The following PRR12 variants were observed in gnomAD, a reference collection of about 807,000 sequenced individuals.
PRR12 encodes the protein proline rich 12.
PRR12 carries 12 observed loss-of-function variants against 138.0 expected under a neutral mutation model. That is an observed-to-expected ratio of 0.09 (90% CI 0.06 to 0.14). The LOEUF is 0.14. PRR12 is among the 10% of genes least tolerant of loss of function. The pLI is 1.00. For synonymous variants in PRR12, 1,567 were observed against 1,291.7 expected (o/e 1.21, Z -4.57); for missense variants, 2,692 against 2,861.3 (o/e 0.94, Z 1.35).
chr19:49,609,462 A>G (rs913983161), intron 6 of PRR12, among the ~76,000 whole-genome samples: 6 of 151,986 alleles, frequency 3.9e-5, no homozygotes, highest in Non-Finnish European at 8.8e-5. Context: ...TTAGCCGGAC[A>G]TGGTGGCGGG....
chr19:49,596,583 G>A lies in PRR12; in HGVS notation c.2248G>A (p.Gly750Arg), dbSNP rs543523020. ...GCTGGCCACCTCTGTTGTCCACTAC[G>A]GGGCAGGCGCCAAGGAGCTGGGGGC... The part of the protein sequence containing the change: ...EGLATSVVHY[G>R]AGAKELGAFL... The change falls in exon 4 of 14, where the codon GGG becomes AGG. Residue 750 changes from glycine to arginine, a missense_variant. This residue lies in a region of PRR12 where 840 missense variants were observed against 689.8 expected (regional missense o/e 1.22). Transcript: ENST00000418929. This position sits in a 1 kb window ranked among gnomAD's most constrained non-coding sequence, Gnocchi z 5.6. 32 of 1,596,612 alleles carry A rather than the reference G, an allele frequency of 2.0e-5. No homozygotes were observed. Among genetic ancestry groups the A allele is most frequent in the South Asian group, 1.0e-4 (9 of 89,200 alleles).
At chr19:49,600,480 C>CAAA (rs34430567) in intron 5 of PRR12, among the ~76,000 whole-genome samples, 44 of 100,724 alleles carry the variant, frequency 4.4e-4, no homozygotes, top group South Asian at 2.8e-3. Context: ...GGGGAGTGTT[C>CAAA]AAAAAAAAAA....
rs764795751 is a variant in PRR12, at chr19:49,595,916, C to G, written c.1581C>G (p.Ala527=). ...CCCACTCCCAGGGGCTGCCCACAGC[C>G]AGCCCCTCGCTCAGCTACAGTACCG... is the stretch of plus-strand genomic sequence containing the variant. ...PAAHSQGLPT[A]SPSLSYSTGH... is the part of the protein sequence containing the mutation. Residue 527 remains alanine (A), a synonymous_variant, in exon 4 of 14, where the codon GCC becomes GCG. Coordinates refer to ENST00000418929, the MANE Select transcript of PRR12 (RefSeq NM_020719.3). 25 of 1,602,288 alleles carry G rather than the reference C, an allele frequency of 1.6e-5. No individual in the cohort carries two copies. The Admixed American group carries it at 4.0e-4, about 26-fold the overall frequency.
At chr19:49,609,633 A>G (rs527862546) in intron 6 of PRR12, among the ~76,000 whole-genome samples, 193 of 150,358 alleles carry the variant, frequency 1.3e-3, no homozygotes, top group African/African-American at 4.4e-3. Context: ...TTGGATGGAG[A>G]AGAGTATGGT....
In PRR12 at chr19:49,607,361, G is replaced by GCACA. The variant is rs72175242; in HGVS notation, c.4773+5460_4773+5463dup. On this transcript the variant is annotated intron_variant, in intron 6 of 13. Transcript: ENST00000418929. The stretch of plus-strand genomic sequence containing the variant: ...GAGTGAGCCTCTGTCATGTACGTGT[G>GCACA]CACACACACACACACACACAGAGTT... Among the ~76,000 whole-genome samples, 850 of 147,858 alleles carry GCACA rather than the reference G, an allele frequency of 5.7e-3. 8 individuals carry two copies. Among genetic ancestry groups the GCACA allele is most frequent in the African/African-American group, 0.019 (740 of 39,380 alleles).
chr19:49,606,379 T>C (rs1254193149), intron 6 of PRR12, among the ~76,000 whole-genome samples: 1 of 151,580 alleles, frequency 6.6e-6, no homozygotes, highest in Non-Finnish European at 1.5e-5. Context: ...TGGCGCAATC[T>C]TGGCTCACTG....
intron 11 of PRR12, among the ~76,000 whole-genome samples, chr19:49,622,977 A>G (rs2080933740): frequency 6.8e-6 from 1 of 147,946 alleles, no homozygotes; most frequent in Non-Finnish European, 1.5e-5. Context: ...AGAGAGAGAT[A>G]TTAATATGAC....
chr19:49,599,355 G>A lies in PRR12; in HGVS notation c.3762G>A (p.Leu1254=). The change falls in exon 5 of 14, where the codon CTG becomes CTA. Residue 1254 remains leucine (L), a synonymous_variant. Coordinates refer to ENST00000418929, the MANE Select transcript of PRR12 (RefSeq NM_020719.3). This position sits in a 1 kb window ranked among gnomAD's most constrained non-coding sequence, Gnocchi z 5.0. ...DAISGTDHNS[L]DSSLTREKIE... ...TATCAGGCACTGACCACAACAGCCTGGACTCGAGCCTGACTCGGGAGAAGA... is the reference window on the plus strand; with the variant it reads ...TATCAGGCACTGACCACAACAGCCTAGACTCGAGCCTGACTCGGGAGAAGA... 1 of 1,613,252 alleles carries A rather than the reference G, an allele frequency of 6.2e-7. No homozygotes were observed. Among genetic ancestry groups the A allele is most frequent in the Non-Finnish European group, 8.5e-7 (1 of 1,179,782 alleles).
Position 49,625,634 on chromosome 19 carries a change from C to T in PRR12, c.*27C>T, listed in dbSNP as rs376483714. On this transcript the variant is annotated 3_prime_UTR_variant, in exon 14 of 14. Coordinates refer to ENST00000418929, the MANE Select transcript of PRR12 (RefSeq NM_020719.3). The surrounding 1 kb of genome is among the most constrained non-coding windows in gnomAD (Gnocchi z 5.5). ...CCCGCCCCAGCTTGTGAGGGGGGCGCCTCCTCCATGAACCGAGAATTGGGA... is the reference window on the plus strand; with the variant it reads ...CCCGCCCCAGCTTGTGAGGGGGGCGTCTCCTCCATGAACCGAGAATTGGGA... The T allele has an allele frequency of 9.1e-5, 144 of 1,577,208 alleles. 1 individual carries two copies. The highest frequency in any genetic ancestry group is 1.2e-4 in the Non-Finnish European group (140 of 1,161,424).
chr19:49,600,765 G>T (rs773411620), intron 5 of PRR12, among the ~76,000 whole-genome samples: 3 of 151,792 alleles, frequency 2.0e-5, no homozygotes, highest in African/African-American at 7.3e-5. Context: ...GCAGTGGTGC[G>T]ATCTTGGCTC....
rs772078674 is a variant in PRR12, at chr19:49,616,032, T to C, written c.5310T>C (p.Ser1770=). Reference sequence around the variant, plus strand: ...GACGGCAGACACGGCCAGAGCGGAGTCTCGCCACGGGACAACCTGCCACAT... The same window carrying C: ...GACGGCAGACACGGCCAGAGCGGAGCCTCGCCACGGGACAACCTGCCACAT... ...TSGRQTRPER[S]LATGQPATSR... The change falls in exon 9 of 14, where the codon AGT becomes AGC. Residue 1770 remains serine, a synonymous_variant. Transcript: ENST00000418929. The surrounding 1 kb of genome is among the most constrained non-coding windows in gnomAD (Gnocchi z 4.2). 2.6e-6 allele frequency: 4 copies of C among 1,554,988 alleles called. No individual in the cohort carries two copies. The highest frequency in any genetic ancestry group is 2.6e-6 in the Non-Finnish European group (3 of 1,149,750).
rs1335972601 is a variant in PRR12, at chr19:49,599,638, G to T, written c.4045G>T (p.Ala1349Ser). The change falls in exon 5 of 14, where the codon GCT (alanine) becomes TCT (serine). Residue 1349 changes from alanine (A) to serine (S), a missense_variant. Physicochemically the swap from Ala to Ser is moderately conservative, Grantham distance 99 (BLOSUM62 1). Transcript: ENST00000418929. This position sits in a 1 kb window ranked among gnomAD's most constrained non-coding sequence, Gnocchi z 5.0. ...CTTTGGGCTTGGGGGCGCCCTGGAG[G>T]CTGCAGAGAGTGAGGGTCTGGGGCT... ...GAFGLGGALE[A>S]AESEGLGLGC... 6.2e-7 allele frequency: 1 copy of T among 1,608,122 alleles called. No individual in the cohort carries two copies. The highest frequency in any genetic ancestry group is 8.5e-7 in the Non-Finnish European group (1 of 1,175,828).
chr19:49,601,429 C>A, intron 5 of PRR12, 62 bp from the exon 6 acceptor site: 1 of 931,538 alleles, frequency 1.1e-6, no homozygotes, highest in South Asian at 1.7e-5. Flanking sequence ...GTTTAAAGGA[C>A]AAGAGGAAAG....
chr19:49,597,009 C>A lies in PRR12; in HGVS notation c.2674C>A (p.Pro892Thr). Residue 892 changes from proline (P) to threonine (T), a missense_variant, in exon 4 of 14, where the codon CCG (proline) becomes ACG (threonine). Coordinates refer to ENST00000418929, the MANE Select transcript of PRR12 (RefSeq NM_020719.3). This position sits in a 1 kb window ranked among gnomAD's most constrained non-coding sequence, Gnocchi z 6.3. ...GCTCGGGGCTCTGGAGCCGCTGCCC[C>A]CGGCGCCTGGGGATACTGGCGTAGG... ...ELLGALEPLP[P>T]APGDTGVGPP... The A allele has an allele frequency of 6.4e-7, 1 of 1,558,036 alleles. No homozygotes were observed.
intron 1 of PRR12, among the ~76,000 whole-genome samples, chr19:49,592,644 A>G (rs1054392372): frequency 4.0e-5 from 6 of 151,854 alleles, no homozygotes; most frequent in Non-Finnish European, 5.9e-5. Context: ...TCCTCCGTCT[A>G]TATCTTTTCT....
intron 8 of PRR12, 74 bp from the exon 9 acceptor site, chr19:49,615,673 C>T: frequency 7.8e-7 from 1 of 1,282,268 alleles, no homozygotes; most frequent in Non-Finnish European, 1.1e-6. Context: ...GCCTAGGGCA[C>T]TGAGCAGGGA....
intron 11 of PRR12, chr19:49,621,893 A>C (rs2080925431): frequency 2.0e-6 from 1 of 491,526 alleles, no homozygotes; most frequent in Admixed American, 3.2e-5. Flanking sequence ...GTGTGCAGCC[A>C]AACATAGACT....
Position 49,597,375 on chromosome 19 carries a change from A to G in PRR12, c.3040A>G (p.Lys1014Glu). ...ACCGGGCCTGGGCCTGGACCCCAAC[A>G]AACCGCCTGAACTGCCCTCCACGGT... is the stretch of plus-strand genomic sequence containing the variant. ...ETPGLGLDPNKPPELPSTVNA... is the reference protein window; with the variant it reads ...ETPGLGLDPNEPPELPSTVNA... The change falls in exon 4 of 14, where the codon AAA becomes GAA. Residue 1014 changes from lysine (K) to glutamate (E), a missense_variant. Physicochemically the swap from Lys to Glu is moderately conservative, Grantham distance 56. Transcript: ENST00000418929. The surrounding 1 kb of genome is among the most constrained non-coding windows in gnomAD (Gnocchi z 6.3). 1 of 1,536,450 alleles carries G rather than the reference A, an allele frequency of 6.5e-7. No individual in the cohort carries two copies. The highest frequency in any genetic ancestry group is 2.4e-5 in the East Asian group (1 of 40,836).
At chr19:49,620,115 C>T (rs960556973) in intron 9 of PRR12, among the ~76,000 whole-genome samples, 2 of 152,150 alleles carry the variant, frequency 1.3e-5, no homozygotes, top group African/African-American at 4.8e-5. Flanking sequence ...TCCCAAAGTG[C>T]TGGGATGACA....
Sources: allele counts gnomAD v4.1 joint callset (sites outside exome capture counted in the v4.1 genomes callset), GRCh38; gene constraint gnomAD v4.1.1; regional missense constraint gnomAD v4.1.1; non-coding constraint Gnocchi (gnomAD v3.1); transcripts MANE v1.5; gene names NCBI Gene and HGNC (gene_info 2026-07-23, HGNC 2026-07-21).